The following DOP1B variants were observed in gnomAD, a reference collection of about 807,000 sequenced individuals.
DOP1B encodes the protein protein DOP1B.
DOP1B carries 174 observed loss-of-function variants against 233.5 expected under a neutral mutation model. That is an observed-to-expected ratio of 0.75 (90% confidence interval 0.66 to 0.85). The LOEUF (loss-of-function observed/expected upper bound fraction) is 0.85. Ranked by LOEUF, DOP1B falls within the 40% of genes least tolerant of loss-of-function variation. The pLI is 0.00. For synonymous variants in DOP1B, 1,190 were observed against 1,185.6 expected (o/e 1.00, Z -0.08); for missense variants, 2,652 against 2,846.6 (o/e 0.93, Z 1.56).
At chr21:36,190,247 C>G (rs2066216399) in intron 2 of DOP1B, among the ~76,000 whole-genome samples, 4 of 151,798 alleles carry the variant, frequency 2.6e-5, no homozygotes, top group Admixed American at 1.3e-4. Context: ...ATCACTTGAA[C>G]CCAGGAGGCG....
intron 35 of DOP1B, among the ~76,000 whole-genome samples, chr21:36,291,765 G>A (rs974222719): frequency 6.6e-6 from 1 of 152,088 alleles, no homozygotes; most frequent in Non-Finnish European, 1.5e-5. Flanking sequence ...AAAATATGAT[G>A]CTAAGTGAAA....
At chr21:36,276,982 C>A (rs761700907) in intron 27 of DOP1B, 39 bp from the exon 28 acceptor site, 2 of 1,605,422 alleles carry the variant, frequency 1.2e-6, no homozygotes, top group Non-Finnish European at 1.7e-6. Flanking sequence ...GTGACCCATC[C>A]ATCATAGTTA....
chr21:36,183,898 C>A (rs1288546128), intron 2 of DOP1B, among the ~76,000 whole-genome samples: 2 of 150,594 alleles, frequency 1.3e-5, no homozygotes, highest in African/African-American at 4.9e-5. Context: ...GCGTCTCACT[C>A]TGTCGCCCAG....
intron 3 of DOP1B, among the ~76,000 whole-genome samples, 165 bp from the exon 4 acceptor site, chr21:36,200,166 C>T (rs936008915): frequency 3.3e-4 from 50 of 152,150 alleles, no homozygotes; most frequent in Non-Finnish European, 6.3e-4. Context: ...TGGCTTGTTA[C>T]GTAACAGTGT....
At chr21:36,196,211 G>A (rs1382800560) in intron 2 of DOP1B, among the ~76,000 whole-genome samples, 2 of 152,216 alleles carry the variant, frequency 1.3e-5, no homozygotes, top group Non-Finnish European at 2.9e-5. Context: ...AGAAAACTCT[G>A]CCTTGACAAA....
intron 2 of DOP1B, chr21:36,169,827 G>A: frequency 9.8e-7 from 1 of 1,019,208 alleles, no homozygotes. Flanking sequence ...GGTTGTTAGA[G>A]AAACACCTTT....
intron 15 of DOP1B, among the ~76,000 whole-genome samples, chr21:36,236,529 A>G (rs946193501): frequency 2.0e-5 from 3 of 152,150 alleles, no homozygotes; most frequent in African/African-American, 4.8e-5. Context: ...AAATTCACCA[A>G]ACTCCCCAGA....
intron 2 of DOP1B, among the ~76,000 whole-genome samples, chr21:36,171,100 C>T (rs2065968436): frequency 6.6e-6 from 1 of 152,210 alleles, no homozygotes; most frequent in Non-Finnish European, 1.5e-5. Flanking sequence ...GGTTCAACCA[C>T]TTGTGCAAGG....
intron 14 of DOP1B, 147 bp downstream of exon 14, chr21:36,231,281 C>G: frequency 3.8e-6 from 4 of 1,065,812 alleles, no homozygotes; most frequent in Non-Finnish European, 5.2e-6. Flanking sequence ...ATTTGCCTTA[C>G]ACTTACCGAT....
At chr21:36,193,519 C>T (rs943000894) in intron 2 of DOP1B, among the ~76,000 whole-genome samples, 1 of 152,132 alleles carries the variant, frequency 6.6e-6, no homozygotes, top group Admixed American at 6.5e-5. Flanking sequence ...TATGAGCTGC[C>T]TAGGCTTTAT....
chr21:36,243,113 G>C (rs2066910928), intron 18 of DOP1B, among the ~76,000 whole-genome samples: 1 of 151,548 alleles, frequency 6.6e-6, no homozygotes, highest in Non-Finnish European at 1.5e-5. Context: ...CTGAGTAGCT[G>C]GCATTACAGG....
intron 3 of DOP1B, 81 bp downstream of exon 3, chr21:36,199,332 C>A: frequency 1.3e-6 from 2 of 1,527,240 alleles, no homozygotes; most frequent in Non-Finnish European, 1.8e-6. Context: ...AAATGACAAA[C>A]AGGCAAAATA....
Position 36,227,688 on chromosome 21 carries a change from AC to A in DOP1B, c.1477del (p.Leu493PhefsTer28). On this transcript the variant is annotated frameshift_variant, in exon 13 of 37. Transcript: ENST00000691173. LOFTEE classifies it high-confidence loss of function. ...VFLLDVIPLE[L>X]YSEVQTQYLP... ...TAACCTACACGTTTATTTCACAGGA[AC>A]TTTACTCTGAGGTGCAAACCCAGTA... 6.5e-7 allele frequency: 1 copy of A among 1,536,692 alleles called. No individual in the cohort carries two copies. The highest frequency in any genetic ancestry group is 8.8e-7 in the Non-Finnish European group (1 of 1,133,980).
At chr21:36,175,652 G>T (rs950265324) in intron 2 of DOP1B, 1 of 152,140 alleles carries the variant, frequency 6.6e-6, no homozygotes, top group East Asian at 1.9e-4. Context: ...AACGAGCTGG[G>T]TATGGTGGCG....
intron 1 of DOP1B, among the ~76,000 whole-genome samples, chr21:36,160,422 G>C (rs976537853): frequency 6.6e-6 from 1 of 151,780 alleles, no homozygotes; most frequent in African/African-American, 2.4e-5. Flanking sequence ...GCAGTGACAA[G>C]TGGGTAGAGT....
At chr21:36,268,977 C>A (rs1310378705) in intron 26 of DOP1B, among the ~76,000 whole-genome samples, 3 of 151,600 alleles carry the variant, frequency 2.0e-5, no homozygotes, top group Non-Finnish European at 4.4e-5. Flanking sequence ...TGCAGTGAGT[C>A]TTGATTGCAC....
intron 14 of DOP1B, among the ~76,000 whole-genome samples, chr21:36,232,371 C>T (rs1298555924): frequency 6.6e-6 from 1 of 152,134 alleles, no homozygotes; most frequent in African/African-American, 2.4e-5. Context: ...GCCAGAAGTC[C>T]AAGATCAAGG....
At chr21:36,264,734 AAGTGCTGGG>A (rs1304244996) in intron 26 of DOP1B, among the ~76,000 whole-genome samples, 6 of 151,980 alleles carry the variant, frequency 3.9e-5, no homozygotes, top group Admixed American at 3.9e-4. Context: ...TGGCCTCCCA[AAGTGCTGGG>A]ATTACAGACG....
rs2067358265 is a variant in DOP1B at position 36,277,058 on chromosome 21, C to T, written c.5670C>T (p.Ala1890=). 1 of 1,614,094 alleles carries T rather than the reference C, an allele frequency of 6.2e-7. No individual in the cohort carries two copies. ...CTTCAGCAATGGTGTCTTCATCCGC[C>T]CCGTCGGTGTACAGCGTGCAAGCCC... The part of the protein sequence containing the change: ...AAASAMVSSS[A]PSVYSVQALS... The change falls in exon 28 of 37, where the codon GCC becomes GCT. Residue 1890 remains alanine, a synonymous_variant. Coordinates refer to ENST00000691173, the MANE Select transcript of DOP1B (RefSeq NM_001320714.2).
Sources: gnomAD v4.1 joint callset for allele counts (sites outside exome capture counted in the v4.1 genomes callset) on GRCh38, gnomAD v4.1.1 for gene constraint, MANE v1.5 for transcripts, NCBI Gene and HGNC (gene_info 2026-07-23, HGNC 2026-07-21) for gene names.